Variants in MACROD2 observed in about 807,000 individuals in gnomAD.
MACROD2 encodes the protein mono-ADP ribosylhydrolase 2, also known as ADP-ribose glycohydrolase MACROD2.
Under a neutral mutation model 70.4 loss-of-function variants are expected in MACROD2, and 36 were observed. The ratio of observed to expected loss-of-function variants is 0.51; its 90% CI spans 0.39 to 0.68. The LOEUF is 0.68. Ranked by LOEUF, MACROD2 falls within the 30% of genes least tolerant of loss-of-function variation. The probability of loss-of-function intolerance (pLI) is 0.00; values close to 1 mark genes in which losing one functional copy is unlikely to be tolerated. For synonymous variants in MACROD2, 172 were observed against 178.8 expected, an observed-to-expected ratio of 0.96 and a Z score of 0.30; for missense variants, 496 against 538.4, an observed-to-expected ratio of 0.92 and a Z score of 0.78.
At chr20:15,143,534 A>G (rs2076207923) in intron 5 of MACROD2, among the ~76,000 whole-genome samples, 1 of 151,962 alleles carries the variant, frequency 6.6e-6, no homozygotes, top group Admixed American at 6.6e-5. Context: ...CCATTTGTCT[A>G]TTTTGGCTTT....
At chr20:14,252,626 G>A (rs951015300) in intron 3 of MACROD2, among the ~76,000 whole-genome samples, 5 of 151,894 alleles carry the variant, frequency 3.3e-5, no homozygotes, top group Non-Finnish European at 7.4e-5. Context: ...ACAGAATCTG[G>A]CACACACCAA....
At chr20:14,525,910 T>C (rs1461748270) in intron 4 of MACROD2, among the ~76,000 whole-genome samples, 1 of 152,232 alleles carries the variant, frequency 6.6e-6, no homozygotes, top group African/African-American at 2.4e-5. Context: ...ATTGGATTCA[T>C]GTTGTTGGCT....
intron 8 of MACROD2, among the ~76,000 whole-genome samples, chr20:15,600,777 T>C (rs1600652157): frequency 6.6e-6 from 1 of 152,096 alleles, no homozygotes; most frequent in East Asian, 1.9e-4. Flanking sequence ...TATGCTGATA[T>C]CTGCAGAAAA....
intron 2 of MACROD2, among the ~76,000 whole-genome samples, chr20:14,010,468 T>G (rs748368676): frequency 5.9e-5 from 9 of 152,302 alleles, no homozygotes; most frequent in Middle Eastern, 3.4e-3. Context: ...GTAATTTCTG[T>G]CTGACTTTTT....
At chr20:15,788,044 T>G (rs1301973255) in intron 8 of MACROD2, among the ~76,000 whole-genome samples, 1 of 152,200 alleles carries the variant, frequency 6.6e-6, no homozygotes. Context: ...TGAGGATAAT[T>G]CTTTAATCTT....
chr20:15,921,789 G>C (rs1245189336), intron 10 of MACROD2, among the ~76,000 whole-genome samples: 13 of 152,252 alleles, frequency 8.5e-5, no homozygotes, highest in Admixed American at 8.5e-4. Flanking sequence ...GTGATTCCCA[G>C]GAAGGGCCAG....
In MACROD2 at chr20:14,014,290, G is replaced by A. The variant is rs545129503; in HGVS notation, c.163+11886G>A. Among the ~76,000 whole-genome samples the A allele has an allele frequency of 1.9e-3, 253 of 131,402 alleles. 1 individual carries two copies. The highest frequency in any genetic ancestry group is 7.3e-3 in the African/African-American group (250 of 34,106). 86.2% of individuals were successfully genotyped at this position (131,402 alleles called of 152,430 possible). ...GTCTTCTTAATGTCTTCTTTCAGAT[G>A]TATTCATTTAGTTTATTTTTAAGTT... On this transcript the variant is annotated intron_variant, in intron 2 of 17. Transcript: ENST00000684519.
At chr20:14,770,429 T>C (rs1277029838) in intron 5 of MACROD2, among the ~76,000 whole-genome samples, 2 of 152,064 alleles carry the variant, frequency 1.3e-5, no homozygotes, top group African/African-American at 2.4e-5. Context: ...AAAATAAAAC[T>C]ATGTCTTAAA....
intron 8 of MACROD2, among the ~76,000 whole-genome samples, chr20:15,511,626 C>G (rs1372871059): frequency 6.6e-6 from 1 of 152,208 alleles, no homozygotes; most frequent in Non-Finnish European, 1.5e-5. Context: ...TTGAACATTG[C>G]ATAAGAATAA....
intron 4 of MACROD2, among the ~76,000 whole-genome samples, chr20:14,565,495 GA>G (rs1399621281): frequency 1.3e-5 from 2 of 151,020 alleles, no homozygotes; most frequent in Non-Finnish European, 1.5e-5. Flanking sequence ...TAAATAGAAG[GA>G]TATAATGTAA....
intron 5 of MACROD2, among the ~76,000 whole-genome samples, chr20:14,942,510 C>T (rs6043015): frequency 4.6e-5 from 7 of 151,954 alleles, no homozygotes; most frequent in Non-Finnish European, 5.9e-5. Flanking sequence ...TTAATAAAAC[C>T]TAAACCAAAC....
intron 6 of MACROD2, among the ~76,000 whole-genome samples, chr20:15,282,681 T>C (rs1210652502): frequency 6.6e-6 from 1 of 152,158 alleles, no homozygotes; most frequent in Non-Finnish European, 1.5e-5. Context: ...AACTTTTTGG[T>C]CAAAACCCAT....
chr20:14,998,243 G>A (rs2074966432), intron 5 of MACROD2, among the ~76,000 whole-genome samples: 1 of 152,140 alleles, frequency 6.6e-6, no homozygotes, highest in Non-Finnish European at 1.5e-5. Context: ...TGGTCATCCA[G>A]GAAAACATAA....
intron 10 of MACROD2, among the ~76,000 whole-genome samples, chr20:15,906,314 T>C (rs529391268): frequency 2.1e-4 from 32 of 152,242 alleles, no homozygotes; most frequent in Non-Finnish European, 3.8e-4. Flanking sequence ...TGGAGCACCA[T>C]TTCTTTTGCC....
Position 15,440,896 on chromosome 20 carries a change from C to T in MACROD2, c.571+9461C>T, listed in dbSNP as rs533788812. Among the ~76,000 whole-genome samples the T allele has an allele frequency of 4.6e-5, 7 of 152,256 alleles. No homozygotes were observed. The South Asian group carries it at 1.4e-3, about 32-fold the overall frequency. ...ATGACTCTTTTCACTGTCGTAAAAT[C>T]TCTGCTCTGGCAACCTAAGTTTTTT... On this transcript the variant is annotated intron_variant, in intron 7 of 17. Transcript: ENST00000684519.
chr20:14,362,932 A>C (rs187404069), intron 3 of MACROD2, among the ~76,000 whole-genome samples: 12 of 152,266 alleles, frequency 7.9e-5, no homozygotes, highest in African/African-American at 2.9e-4. Flanking sequence ...ATATAATTTA[A>C]TTATTAATAA....
At chr20:15,696,623 C>T (rs778572085) in intron 8 of MACROD2, among the ~76,000 whole-genome samples, 2 of 147,868 alleles carry the variant, frequency 1.4e-5, no homozygotes, top group Non-Finnish European at 3.0e-5. Context: ...GGATTGGTAC[C>T]AATTCTTTTT....
intron 4 of MACROD2, among the ~76,000 whole-genome samples, chr20:14,520,970 C>T (rs1311761854): frequency 9.8e-6 from 1 of 101,614 alleles, no homozygotes. Context: ...CACACACACA[C>T]ACACGCACAC....
At position 14,601,381 on chromosome 20, in the gene MACROD2, G is replaced by A. The variant is rs1290880812; in HGVS notation, c.302-83462G>A. Among the ~76,000 whole-genome samples, 7 of 152,266 alleles carry A rather than the reference G, an allele frequency of 4.6e-5. No individual in the cohort carries two copies. In the East Asian group the frequency reaches 1.4e-3, roughly 29 times the overall value. On this transcript the variant is annotated intron_variant, in intron 4 of 17. Coordinates refer to ENST00000684519, the MANE Select transcript of MACROD2 (RefSeq NM_001351661.2). ...ATCTAATGCCACCGGGGATATGACA[G>A]GAGGCGGTGCTCAGGTGGTAAGGCT...
Sources: allele counts gnomAD v4.1 joint callset (sites outside exome capture counted in the v4.1 genomes callset), GRCh38; gene constraint gnomAD v4.1.1; transcripts MANE v1.5; gene names NCBI Gene and HGNC (gene_info 2026-07-23, HGNC 2026-07-21).